RYR2: variants seen among roughly 807,000 people sequenced by gnomAD.
RYR2 encodes the protein cardiac muscle ryanodine receptor-calcium release channel.
RYR2 carries 227 observed loss-of-function variants against 601.1 expected under a neutral mutation model. The ratio of observed to expected loss-of-function variants is 0.38; its 90% CI spans 0.34 to 0.42. RYR2 has a LOEUF of 0.42. Among genes scored for constraint, RYR2 ranks in the 10% least tolerant of loss-of-function variants. RYR2 has a pLI of 1.00. For missense variants in RYR2, 4,646 were observed against 6,156.5 expected, an observed-to-expected ratio of 0.75 and a Z score of 8.21; for synonymous variants, 2,223 against 2,175.1, an observed-to-expected ratio of 1.02 and a Z score of -0.61.
At chr1:237,403,001 A>G (rs987014980) in intron 10 of RYR2, among the ~76,000 whole-genome samples, 5 of 152,190 alleles carry the variant, frequency 3.3e-5, no homozygotes, top group African/African-American at 1.2e-4. Flanking sequence ...TCCTACATGC[A>G]TGTAATTGGA....
At chr1:237,185,393 A>T (rs1417850743) in intron 1 of RYR2, among the ~76,000 whole-genome samples, 1 of 152,152 alleles carries the variant, frequency 6.6e-6, no homozygotes, top group Admixed American at 6.5e-5. Context: ...CATATTTTTC[A>T]ATATTGGCTT....
chr1:237,458,754 AAAAAG>A (rs1476618533), intron 16 of RYR2, among the ~76,000 whole-genome samples: 1 of 152,196 alleles, frequency 6.6e-6, no homozygotes, highest in Non-Finnish European at 1.5e-5. Flanking sequence ...AAAAAAAAGA[AAAAAG>A]AATGCATTTT....
chr1:237,792,383 G>GTC, intron 94 of RYR2, 60 bp downstream of exon 94: 1 of 660,430 alleles, frequency 1.5e-6, no homozygotes, highest in East Asian at 3.2e-5. Flanking sequence ...GTGTGTGTGC[G>GTC]TGTGTGTGTG....
chr1:237,285,456 G>C (rs769737874), intron 2 of RYR2, among the ~76,000 whole-genome samples: 44 of 152,214 alleles, frequency 2.9e-4, no homozygotes, highest in Non-Finnish European at 4.4e-4. Context: ...TAGCATCTAT[G>C]TTCATCAAGG....
chr1:237,218,745 G>A (rs552376489), intron 1 of RYR2, among the ~76,000 whole-genome samples: 41 of 152,186 alleles, frequency 2.7e-4, no homozygotes, highest in African/African-American at 9.6e-4. Context: ...TTTCACCTCT[G>A]GTTTAGGGTT....
intron 100 of RYR2, among the ~76,000 whole-genome samples, chr1:237,816,844 G>A (rs1661897871): frequency 6.6e-6 from 1 of 152,102 alleles, no homozygotes; most frequent in African/African-American, 2.4e-5. Flanking sequence ...ACCAAGTTTT[G>A]AAAAACTACA....
At chr1:237,467,151 TTTTAGA>T (rs1329906497) in intron 16 of RYR2, among the ~76,000 whole-genome samples, 3 of 148,302 alleles carry the variant, frequency 2.0e-5, no homozygotes, top group African/African-American at 7.3e-5. Flanking sequence ...TATGTTTTCA[TTTTAGA>T]TGGATAATAT....
At chr1:237,307,818 C>T (rs1294462820) in intron 2 of RYR2, among the ~76,000 whole-genome samples, 2 of 152,136 alleles carry the variant, frequency 1.3e-5, no homozygotes, top group Admixed American at 6.5e-5. Context: ...TATGAGCCTT[C>T]GGTTTGCTGT....
intron 85 of RYR2, among the ~76,000 whole-genome samples, chr1:237,771,426 AAGAC>A (rs1011817610): frequency 4.6e-5 from 7 of 151,562 alleles, no homozygotes; most frequent in African/African-American, 1.5e-4. Flanking sequence ...AAAAAAAAAA[AAGAC>A]AGAGGATTTA....
Position 237,610,533 on chromosome 1 carries a change from C to T in RYR2, c.4684-229C>T, listed in dbSNP as rs1002103252. Among the ~76,000 whole-genome samples, 3 of 152,170 alleles carry T rather than the reference C, an allele frequency of 2.0e-5. No homozygotes were observed. The highest frequency in any genetic ancestry group is 7.2e-5 in the African/African-American group (3 of 41,442). On this transcript the variant is annotated intron_variant, in intron 35 of 104. Transcript: ENST00000366574. This position sits in a 1 kb window ranked among gnomAD's most constrained non-coding sequence, Gnocchi z 4.9. ...ATATGGGAAAGACACATCCCGAAAC[C>T]TGTTTGACTGCCCGGAAGGTGTAGG... is the stretch of plus-strand genomic sequence containing the variant.
intron 24 of RYR2, among the ~76,000 whole-genome samples, chr1:237,521,432 A>T (rs921045201): frequency 2.0e-5 from 3 of 152,132 alleles, no homozygotes; most frequent in African/African-American, 7.2e-5. Context: ...GGGGCCAGGC[A>T]CGGTGGGTCA....
chr1:237,350,496 A>AG (rs1362338623), intron 3 of RYR2, among the ~76,000 whole-genome samples: 1 of 143,446 alleles, frequency 7.0e-6, no homozygotes, highest in African/African-American at 2.6e-5. Flanking sequence ...GCTTCAATCC[A>AG]GGAGGCAGAG....
rs1051414691 is a variant in RYR2 at position 237,106,673 on chromosome 1, T to A, written c.48+64104T>A. On this transcript the variant is annotated intron_variant, in intron 1 of 104. Transcript: ENST00000366574. The surrounding 1 kb of genome is among the most constrained non-coding windows in gnomAD (Gnocchi z 4.4). ...GTGATGTGTATACAGTGTCCCTTTT[T>A]CAGACATGGCACCTTCGTCCATTTG... 1.3e-5 allele frequency among the ~76,000 whole-genome samples: 2 copies of A among 152,234 alleles called. No homozygotes were observed. The highest frequency in any genetic ancestry group is 4.8e-5 in the African/African-American group (2 of 41,462).
chr1:237,171,233 C>CAAA (rs58587774), intron 1 of RYR2, among the ~76,000 whole-genome samples: 3 of 141,642 alleles, frequency 2.1e-5, no homozygotes, highest in African/African-American at 2.7e-5. Flanking sequence ...GACTCCATCT[C>CAAA]AAAAAAAAAA....
chr1:237,143,780 T>C (rs776731235), intron 1 of RYR2, among the ~76,000 whole-genome samples: 14 of 152,154 alleles, frequency 9.2e-5, no homozygotes, highest in Non-Finnish European at 2.1e-4. Flanking sequence ...GTCTGACCAG[T>C]GTTGGGGAAA....
In RYR2 at chr1:237,530,478, A is replaced by G. The variant is rs2147940428; in HGVS notation, c.2874A>G (p.Glu958=). 1.2e-6 allele frequency: 2 copies of G among 1,608,220 alleles called. No individual in the cohort carries two copies. The highest frequency in any genetic ancestry group is 4.5e-5 in the East Asian group (2 of 44,820). The change falls in exon 25 of 105, where the codon GAA becomes GAG. Residue 958 remains glutamate, a synonymous_variant. Transcript: ENST00000366574. ...TGGGTATATCAGATGAACATGCTGA[A>G]GACAAGGTGAAAAAAATGAAGCTAC... The part of the protein sequence containing the change: ...CHVGISDEHA[E]DKVKKMKLPK...
At chr1:237,434,082 T>C (rs1707111806) in intron 12 of RYR2, among the ~76,000 whole-genome samples, 1 of 152,232 alleles carries the variant, frequency 6.6e-6, no homozygotes, top group African/African-American at 2.4e-5. Flanking sequence ...TCAATTCTTG[T>C]GAACCCTTGC....
intron 1 of RYR2, among the ~76,000 whole-genome samples, chr1:237,142,772 A>G (rs1452375930): frequency 6.6e-6 from 1 of 152,194 alleles, no homozygotes; most frequent in African/African-American, 2.4e-5. Context: ...TTAACAGTTT[A>G]TTTTATTTTT....
At chr1:237,150,523 T>C (rs1273127821) in intron 1 of RYR2, among the ~76,000 whole-genome samples, 1 of 152,174 alleles carries the variant, frequency 6.6e-6, no homozygotes, top group Non-Finnish European at 1.5e-5. Context: ...GCAGGCACTT[T>C]TCTTGGATTG....
Sources: gnomAD v4.1 joint callset for allele counts (sites outside exome capture counted in the v4.1 genomes callset) on GRCh38, gnomAD v4.1.1 for gene constraint, Gnocchi (gnomAD v3.1) non-coding constraint, MANE v1.5 for transcripts, NCBI Gene and HGNC (gene_info 2026-07-23, HGNC 2026-07-21) for gene names.